The following DMD variants were observed in gnomAD, a reference collection of about 807,000 sequenced individuals.
DMD encodes the protein mutant dystrophin.
Under a neutral mutation model 330.1 loss-of-function variants are expected in DMD, and 63 were observed. The observed-to-expected ratio is 0.19, with a 90% CI of 0.16 to 0.24. DMD has a LOEUF of 0.24. Among genes scored for constraint, DMD ranks in the 10% least tolerant of loss-of-function variants. The pLI is 1.00. For synonymous variants in DMD, 1,223 were observed against 959.8 expected, an observed-to-expected ratio of 1.27 and a Z score of -5.07; for missense variants, 3,344 against 2,684.1, an observed-to-expected ratio of 1.25 and a Z score of -5.43.
rs2095345045 is a variant in DMD at position 33,112,239 on chromosome X, TCCTAATGTATATATTAAA to T, written c.32-92057_32-92040del. Among the ~76,000 whole-genome samples the T allele has an allele frequency of 1.1e-4, 12 of 111,003 alleles. No individual in the cohort carries two copies. In the South Asian group the frequency reaches 4.5e-3, roughly 42 times the overall value. The stretch of plus-strand genomic sequence containing the variant: ...GTTATTGTTGTTAATCTCTTATGGT[TCCTAATGTATATATTAAA>T]CTTTGTTATATGTGTATGTATATAA... On this transcript the variant is annotated intron_variant, in intron 1 of 78. Transcript: ENST00000357033.
chrX:33,051,644 C>CTTTTTTTT (rs1569551755), intron 1 of DMD, among the ~76,000 whole-genome samples: 1 of 80,700 alleles, frequency 1.2e-5, no homozygotes, highest in African/African-American at 6.1e-5. Context: ...TAATTACGCT[C>CTTTTTTTT]TATTTTTTTT....
chrX:33,112,884 C>A (rs2095350812), intron 1 of DMD, among the ~76,000 whole-genome samples: 1 of 108,009 alleles, frequency 9.3e-6, no homozygotes. Flanking sequence ...ACCTGGGAGG[C>A]AGAGGTTGCA....
chrX:32,766,969 C>A (rs1484223067), intron 7 of DMD, among the ~76,000 whole-genome samples: 1 of 111,431 alleles, frequency 9.0e-6, no homozygotes, highest in Non-Finnish European at 1.9e-5. Flanking sequence ...AACACCATTT[C>A]TCTGATTCAA....
intron 29 of DMD, among the ~76,000 whole-genome samples, chrX:32,436,548 A>G (rs936533344): frequency 2.7e-5 from 3 of 111,952 alleles, no homozygotes; most frequent in Non-Finnish European, 5.6e-5. Context: ...GAAGGTTATA[A>G]GTAGTTTTGT....
At chrX:32,573,103 C>T (rs986340133) in intron 15 of DMD, among the ~76,000 whole-genome samples, 1 of 111,313 alleles carries the variant, frequency 9.0e-6, no homozygotes, top group South Asian at 3.8e-4. Flanking sequence ...TACCCAGTCC[C>T]AGTCTCAGGT....
intron 1 of DMD, among the ~76,000 whole-genome samples, chrX:33,322,692 G>A (rs1211460674): frequency 1.8e-5 from 2 of 111,624 alleles, no homozygotes; most frequent in African/African-American, 6.5e-5. Context: ...AGTGAGTCAA[G>A]AAAGAAGATA....
chrX:32,785,093 T>A (rs2075234968), intron 7 of DMD, among the ~76,000 whole-genome samples: 1 of 110,083 alleles, frequency 9.1e-6, no homozygotes, highest in Non-Finnish European at 1.9e-5. Flanking sequence ...GAATAAAAAG[T>A]AGGGGCTCCA....
At chrX:31,977,301 A>G (rs1358708236) in intron 44 of DMD, among the ~76,000 whole-genome samples, 1 of 112,014 alleles carries the variant, frequency 8.9e-6, no homozygotes, top group African/African-American at 3.2e-5. Flanking sequence ...TTTGAAATAC[A>G]TACAACAGCC....
intron 55 of DMD, among the ~76,000 whole-genome samples, chrX:31,571,329 A>G: frequency 9.3e-6 from 1 of 107,159 alleles, no homozygotes. Flanking sequence ...CAGTATTCTG[A>G]GCTAAGGGTG....
chrX:31,848,112 A>T (rs1393756985), intron 48 of DMD, among the ~76,000 whole-genome samples: 1 of 111,953 alleles, frequency 8.9e-6, no homozygotes, highest in African/African-American at 3.2e-5. Flanking sequence ...ACGTTTCTTA[A>T]TATTATGTTA....
At chrX:33,222,373 T>C (rs901976019) in intron 1 of DMD, among the ~76,000 whole-genome samples, 1 of 111,891 alleles carries the variant, frequency 8.9e-6, no homozygotes, top group Non-Finnish European at 1.9e-5. Context: ...GTCTGAAAAA[T>C]AGGACTAAAG....
chrX:31,967,397 G>T (rs756079903), intron 45 of DMD, among the ~76,000 whole-genome samples: 1 of 104,520 alleles, frequency 9.6e-6, no homozygotes, highest in African/African-American at 3.5e-5. Context: ...AATATGAATT[G>T]TATCTACTTT....
intron 1 of DMD, among the ~76,000 whole-genome samples, chrX:33,101,990 T>C (rs2095243755): frequency 8.9e-6 from 1 of 112,000 alleles, no homozygotes; most frequent in South Asian, 3.7e-4. Flanking sequence ...GTTTTCAATG[T>C]TTATTCCAAA....
intron 7 of DMD, among the ~76,000 whole-genome samples, chrX:32,725,397 C>T (rs1393467487): frequency 2.7e-5 from 3 of 110,684 alleles, no homozygotes; most frequent in Non-Finnish European, 5.7e-5. Context: ...TACTTGACAT[C>T]TTTAATGACC....
Position 32,745,126 on chromosome X carries a change from TTTGGCAAGAAAAAAGTAA to T in DMD, c.650-45851_650-45834del, listed in dbSNP as rs748385312. ...ACTTAAGGGGGTGATCTCAGTTGTT[TTTGGCAAGAAAAAAGTAA>T]TTGGCAAGAAAAAAGTAATTGGCAA... is the stretch of plus-strand genomic sequence containing the variant. On this transcript the variant is annotated intron_variant, in intron 7 of 78. Coordinates refer to ENST00000357033, the MANE Select transcript of DMD (RefSeq NM_004006.3). Among the ~76,000 whole-genome samples the T allele has an allele frequency of 4.0e-3, 447 of 111,769 alleles. 2 individuals are homozygous for T. The highest frequency in any genetic ancestry group is 8.9e-3 in the Admixed American group (93 of 10,503).
chrX:33,033,135 G>C (rs958115632), intron 1 of DMD, among the ~76,000 whole-genome samples: 6 of 111,188 alleles, frequency 5.4e-5, no homozygotes, highest in African/African-American at 2.0e-4. Flanking sequence ...GCAGAGCAAA[G>C]AAGGTCCAGA....
chrX:32,353,857 C>A (rs900604390), intron 37 of DMD, among the ~76,000 whole-genome samples: 1 of 110,500 alleles, frequency 9.0e-6, no homozygotes, highest in Non-Finnish European at 1.9e-5. Context: ...TTTAATGTTT[C>A]AAATTGCTTA....
chrX:32,632,761 G>T (rs1392705384), intron 11 of DMD, among the ~76,000 whole-genome samples: 2 of 111,705 alleles, frequency 1.8e-5, no homozygotes, highest in African/African-American at 6.5e-5. Flanking sequence ...CGGGGGCACA[G>T]TGTACGAGGT....
At chrX:33,072,992 TA>T (rs1468139396) in intron 1 of DMD, among the ~76,000 whole-genome samples, 11 of 112,254 alleles carry the variant, frequency 9.8e-5, no homozygotes, top group South Asian at 7.3e-4. Flanking sequence ...CCAGAAAATT[TA>T]GAGCAAAAGA....
Sources: allele counts gnomAD v4.1 joint callset (sites outside exome capture counted in the v4.1 genomes callset), GRCh38; gene constraint gnomAD v4.1.1; transcripts MANE v1.5; gene names NCBI Gene and HGNC (gene_info 2026-07-23, HGNC 2026-07-21).